The following ARHGEF38 variants were observed in gnomAD, a reference collection of about 807,000 sequenced individuals.
ARHGEF38 encodes the protein Rho guanine nucleotide exchange factor 38.
Under a neutral mutation model 79.9 loss-of-function variants are expected in ARHGEF38, and 79 were observed. That is an observed-to-expected ratio of 0.99 (90% CI 0.82 to 1.19). The LOEUF is 1.19. ARHGEF38 is among the 50% of genes most tolerant of loss of function. The pLI is 0.00. For synonymous variants in ARHGEF38, 366 were observed against 328.3 expected, an observed-to-expected ratio of 1.11 and a Z score of -1.24; for missense variants, 962 against 907.2, an observed-to-expected ratio of 1.06 and a Z score of -0.78.
At chr4:105,582,897 C>T (rs1188089462) in intron 1 of ARHGEF38, among the ~76,000 whole-genome samples, 7 of 152,034 alleles carry the variant, frequency 4.6e-5, no homozygotes. Context: ...TATATAGTGC[C>T]CACTTTTATT....
At chr4:105,555,438 C>T (rs1016949757) in intron 1 of ARHGEF38, among the ~76,000 whole-genome samples, 6 of 152,104 alleles carry the variant, frequency 3.9e-5, no homozygotes, top group Admixed American at 1.3e-4. Flanking sequence ...CAGTTCTGTG[C>T]GTTTGTTCTC....
intron 5 of ARHGEF38, among the ~76,000 whole-genome samples, chr4:105,642,728 TG>T (rs1368250467): frequency 2.6e-5 from 4 of 152,138 alleles, no homozygotes; most frequent in African/African-American, 9.7e-5. Flanking sequence ...TCTGGGTTTT[TG>T]TTTTTTATAA....
chr4:105,604,102 C>T (rs555540346), intron 2 of ARHGEF38, among the ~76,000 whole-genome samples: 118 of 152,148 alleles, frequency 7.8e-4, no homozygotes, highest in African/African-American at 2.8e-3. Context: ...TGCCATGCGG[C>T]AGGAGGCAAA....
chr4:105,598,733 A>G (rs1334519407), intron 2 of ARHGEF38, among the ~76,000 whole-genome samples: 1 of 151,894 alleles, frequency 6.6e-6, no homozygotes, highest in Admixed American at 6.6e-5. Context: ...AGCATTTATT[A>G]TATAGTCTGG....
intron 5 of ARHGEF38, among the ~76,000 whole-genome samples, chr4:105,637,717 A>AC (rs1277259553): frequency 6.6e-6 from 1 of 152,154 alleles, no homozygotes; most frequent in African/African-American, 2.4e-5. Flanking sequence ...GGTCTTTGGA[A>AC]CCAAGAAACA....
At chr4:105,630,571 C>T (rs1368098345) in intron 3 of ARHGEF38, among the ~76,000 whole-genome samples, 1 of 152,172 alleles carries the variant, frequency 6.6e-6, no homozygotes, top group Admixed American at 6.5e-5. Flanking sequence ...CAATTCTGCA[C>T]ATCAACCTTG....
chr4:105,606,721 G>T (rs918234867), intron 2 of ARHGEF38, among the ~76,000 whole-genome samples: 1 of 151,950 alleles, frequency 6.6e-6, no homozygotes, highest in Non-Finnish European at 1.5e-5. Context: ...GAAAATTACT[G>T]ACATGAACAG....
At chr4:105,642,754 A>G (rs770014037) in intron 5 of ARHGEF38, among the ~76,000 whole-genome samples, 1 of 152,160 alleles carries the variant, frequency 6.6e-6, no homozygotes, top group Admixed American at 6.5e-5. Context: ...AAATAAGAGC[A>G]TATATATAAC....
At chr4:105,646,363 G>T (rs1400880853) in intron 6 of ARHGEF38, among the ~76,000 whole-genome samples, 1 of 152,032 alleles carries the variant, frequency 6.6e-6, no homozygotes, top group African/African-American at 2.4e-5. Flanking sequence ...ATACAAAAAG[G>T]TTAAAAATAA....
chr4:105,561,459 A>G (rs5002060), intron 1 of ARHGEF38: 7,346 of 35,758 alleles, frequency 0.21, 1,514 homozygotes, highest in Non-Finnish European at 0.27. Context: ...GGAATAGAAT[A>G]GAATAGAATA....
intron 3 of ARHGEF38, among the ~76,000 whole-genome samples, chr4:105,630,048 T>C (rs1018583618): frequency 8.5e-5 from 13 of 152,206 alleles, no homozygotes; most frequent in African/African-American, 2.9e-4. Context: ...AAAAAATTGC[T>C]TCATTTTGAG....
intron 1 of ARHGEF38, among the ~76,000 whole-genome samples, chr4:105,576,280 C>T (rs991818869): frequency 3.3e-5 from 5 of 152,206 alleles, no homozygotes; most frequent in Admixed American, 2.0e-4. Context: ...AATCCATTAG[C>T]ATGGAATGTG....
At chr4:105,657,493 T>C (rs1730381704) in intron 9 of ARHGEF38, among the ~76,000 whole-genome samples, 1 of 152,182 alleles carries the variant, frequency 6.6e-6, no homozygotes, top group Non-Finnish European at 1.5e-5. Flanking sequence ...GTAATACATA[T>C]CTACACTTTT....
chr4:105,631,031 T>C lies in ARHGEF38; in HGVS notation c.642T>C (p.Cys214=), dbSNP rs1036885541. The C allele has an allele frequency of 3.1e-6, 5 of 1,612,022 alleles. No homozygotes were observed. The African/African-American group carries it at 6.7e-5, about 22-fold the overall frequency. The stretch of plus-strand genomic sequence containing the variant: ...AGCTGAAGGAACATTTGAGCCACTG[T>C]ATCCAGTCCTTAAAGTAAGGCCTTT... ...EEELKEHLSH[C]IQSLKKIYMQ... Residue 214 remains cysteine (C), a synonymous_variant, in exon 4 of 14, where the codon TGT becomes TGC. Transcript: ENST00000420470.
chr4:105,599,686 A>C (rs1176404000), intron 2 of ARHGEF38, among the ~76,000 whole-genome samples: 3 of 152,218 alleles, frequency 2.0e-5, no homozygotes. Context: ...CATGCATATC[A>C]GTACAGGGCG....
rs935663180 is a variant in ARHGEF38, at chr4:105,657,396, A to G, written c.1234-1658A>G. Among the ~76,000 whole-genome samples, 3 of 152,208 alleles carry G rather than the reference A, an allele frequency of 2.0e-5. No homozygotes were observed. The South Asian group carries it at 6.2e-4, about 32-fold the overall frequency. On this transcript the variant is annotated intron_variant, in intron 9 of 13. Coordinates refer to ENST00000420470, the MANE Select transcript of ARHGEF38 (RefSeq NM_001242729.2). ...CAATATAAAAGTAACTTTTATGGAT[A>G]ACATATATAGAACTCTTTTTAAAAA...
chr4:105,625,444 A>T (rs938344384), intron 3 of ARHGEF38, among the ~76,000 whole-genome samples: 1 of 152,218 alleles, frequency 6.6e-6, no homozygotes, highest in African/African-American at 2.4e-5. Context: ...TCTGAAGGGG[A>T]TGTGTTCTAG....
rs567659915 is a variant in ARHGEF38, at chr4:105,559,391, A to G, written c.196+6430A>G. Among the ~76,000 whole-genome samples, 3 of 152,148 alleles carry G rather than the reference A, an allele frequency of 2.0e-5. No homozygotes were observed. The South Asian group carries it at 6.2e-4, about 32-fold the overall frequency. On this transcript the variant is annotated intron_variant, in intron 1 of 13. Transcript: ENST00000420470. ...TGCTCTTAGGCCTAAGGCACAATTGATGATGGGGGTGTTTCTGGAGCTTGA... is the reference window on the plus strand; with the variant it reads ...TGCTCTTAGGCCTAAGGCACAATTGGTGATGGGGGTGTTTCTGGAGCTTGA...
intron 13 of ARHGEF38, among the ~76,000 whole-genome samples, chr4:105,670,324 A>G (rs549692591): frequency 1.3e-4 from 20 of 152,294 alleles, no homozygotes; most frequent in Admixed American, 1.3e-3. Context: ...TTTTAATTAT[A>G]GCCATCTTGT....
Sources: allele counts gnomAD v4.1 joint callset (sites outside exome capture counted in the v4.1 genomes callset), GRCh38; gene constraint gnomAD v4.1.1; transcripts MANE v1.5; gene names NCBI Gene and HGNC (gene_info 2026-07-23, HGNC 2026-07-21).